Variants in PSEN1 observed in about 807,000 individuals in gnomAD.
PSEN1 encodes presenilin-1.
PSEN1 carries 15 observed loss-of-function variants against 53.5 expected under a neutral mutation model. That is an observed-to-expected ratio of 0.28 (90% CI 0.19 to 0.43). The LOEUF (loss-of-function observed/expected upper bound fraction) is 0.43, where lower values mean the gene tolerates loss of function less well. Ranked by LOEUF, PSEN1 falls within the 20% of genes least tolerant of loss-of-function variation. The pLI is 1.00. For synonymous variants in PSEN1, 208 were observed against 209.8 expected, an observed-to-expected ratio of 0.99 and a Z score of 0.08; for missense variants, 387 against 571.2, an observed-to-expected ratio of 0.68 and a Z score of 3.29.
At chr14:73,175,143 C>T (rs941321979) in intron 5 of PSEN1, among the ~76,000 whole-genome samples, 2 of 151,710 alleles carry the variant, frequency 1.3e-5, no homozygotes, top group Non-Finnish European at 2.9e-5. Context: ...TTTTTTTCCC[C>T]GAGACGAAGT....
chr14:73,144,042 T>TG (rs1897000472), intron 1 of PSEN1, among the ~76,000 whole-genome samples: 1 of 128,652 alleles, frequency 7.8e-6, no homozygotes, highest in African/African-American at 2.8e-5. Context: ...TATCTTTTTT[T>TG]TTTTTTTTTT....
chr14:73,204,529 A>T (rs956887660), intron 8 of PSEN1, among the ~76,000 whole-genome samples: 7 of 90,622 alleles, frequency 7.7e-5, no homozygotes, highest in South Asian at 4.3e-4. Flanking sequence ...TTTTACATTT[A>T]AAAAAAAAAA....
chr14:73,183,934 C>T (rs1228780926), intron 5 of PSEN1, among the ~76,000 whole-genome samples: 2 of 146,452 alleles, frequency 1.4e-5, no homozygotes, highest in Admixed American at 6.7e-5. Context: ...GGGCTGACCC[C>T]CCCACCTCCC....
intron 3 of PSEN1, among the ~76,000 whole-genome samples, chr14:73,155,967 A>G (rs1183668861): frequency 6.6e-6 from 1 of 152,174 alleles, no homozygotes; most frequent in Non-Finnish European, 1.5e-5. Context: ...CAGGATGTTG[A>G]TAGAGGCTGT....
Position 73,211,876 on chromosome 14 carries a change from C to A in PSEN1, c.1063C>A (p.Pro355Thr). The A allele has an allele frequency of 6.2e-7, 1 of 1,613,990 alleles. No homozygotes were observed. Among genetic ancestry groups the A allele is most frequent in the Non-Finnish European group, 8.5e-7 (1 of 1,179,994 alleles). The part of the protein sequence containing the change: ...DSHLGPHRST[P>T]ESRAAVQELS... ...TCATCTAGGGCCTCATCGCTCTACA[C>A]CTGAGTCACGAGCTGCTGTCCAGGA... Residue 355 changes from proline (P) to threonine (T), a missense_variant, in exon 10 of 12, where the codon CCT (proline) becomes ACT (threonine). Transcript: ENST00000324501.
At chr14:73,199,990 G>A (rs939693803) in intron 8 of PSEN1, among the ~76,000 whole-genome samples, 29 of 151,982 alleles carry the variant, frequency 1.9e-4, no homozygotes, top group African/African-American at 5.3e-4. Flanking sequence ...CAGGTGATCC[G>A]CCTGCCTAGG....
At position 73,186,856 on chromosome 14, in the gene PSEN1, A is replaced by G; in HGVS notation, c.484A>G (p.Ile162Val). 6.2e-7 allele frequency: 1 copy of G among 1,610,214 alleles called. No homozygotes were observed. The highest frequency in any genetic ancestry group is 8.5e-7 in the Non-Finnish European group (1 of 1,176,504). ...ATTGAAATGCTTTCTTTTCTAGGTC[A>G]TCCATGCCTGGCTTATTATATCATC... ...VLYKYRCYKV[I>V]HAWLIISSLL... Residue 162 changes from isoleucine to valine, a missense_variant, in exon 6 of 12, where the codon ATC becomes GTC. This residue lies in a region of PSEN1 where 169 missense variants were observed against 299.7 expected (regional missense o/e 0.56). Coordinates refer to ENST00000324501, the MANE Select transcript of PSEN1 (RefSeq NM_000021.4).
chr14:73,173,455 T>G, intron 4 of PSEN1, 111 bp from the exon 5 acceptor site: 1 of 1,115,942 alleles, frequency 9.0e-7, no homozygotes, highest in Non-Finnish European at 1.4e-6. Context: ...AAAAGTGACT[T>G]ATAAGATACG....
At chr14:73,199,343 G>C (rs927061078) in intron 8 of PSEN1, among the ~76,000 whole-genome samples, 5 of 152,196 alleles carry the variant, frequency 3.3e-5, no homozygotes, top group Non-Finnish European at 7.3e-5. Context: ...GTCAACTACT[G>C]TGTTTAGAGA....
chr14:73,138,262 A>G (rs965482723), intron 1 of PSEN1: 1 of 151,180 alleles, frequency 6.6e-6, no homozygotes, highest in African/African-American at 2.4e-5. Flanking sequence ...TCTGTCGCCC[A>G]GGCTGGAGTG....
intron 5 of PSEN1, among the ~76,000 whole-genome samples, chr14:73,184,746 A>C (rs1162093779): frequency 6.6e-5 from 5 of 75,474 alleles, no homozygotes; most frequent in Non-Finnish European, 1.1e-4. Context: ...CGGGGGGCTG[A>C]CCCCCCCCAC....
At chr14:73,215,861 G>A (rs1043243164) in intron 10 of PSEN1, among the ~76,000 whole-genome samples, 2 of 152,144 alleles carry the variant, frequency 1.3e-5, no homozygotes, top group Admixed American at 6.6e-5. Flanking sequence ...AATTCAGACT[G>A]GTACAGCCAG....
At chr14:73,153,382 T>C (rs939632642) in intron 3 of PSEN1, among the ~76,000 whole-genome samples, 2 of 152,234 alleles carry the variant, frequency 1.3e-5, no homozygotes, top group Non-Finnish European at 2.9e-5. Context: ...CAGTATTATC[T>C]CTAACCAGTT....
At chr14:73,217,451 C>T (rs1307007437) in intron 11 of PSEN1, among the ~76,000 whole-genome samples, 1 of 152,202 alleles carries the variant, frequency 6.6e-6, no homozygotes, top group African/African-American at 2.4e-5. Context: ...ACTGTAAGCT[C>T]TGCCCTGAGA....
chr14:73,207,013 G>A (rs1899481519), intron 9 of PSEN1, among the ~76,000 whole-genome samples: 1 of 152,106 alleles, frequency 6.6e-6, no homozygotes, highest in African/African-American at 2.4e-5. Flanking sequence ...TGACTTTTTA[G>A]AAGAGGATAA....
chr14:73,219,227 G>A lies in PSEN1; in HGVS notation c.1342G>A (p.Ala448Thr). The change falls in exon 12 of 12, where the codon GCC becomes ACC. Residue 448 changes from alanine to threonine, a missense_variant. Ala to Thr is a moderately conservative substitution (Grantham distance 58). This residue lies in a region of PSEN1 where 44 missense variants were observed against 106.3 expected (regional missense o/e 0.41). Coordinates refer to ENST00000324501, the MANE Select transcript of PSEN1 (RefSeq NM_000021.4). ...CACCTTTGGGCTTGTTTTCTACTTT[G>A]CCACAGATTATCTTGTACAGCCTTT... ...SITFGLVFYF[A>T]TDYLVQPFMD... is the part of the protein sequence containing the mutation. The A allele has an allele frequency of 6.2e-7, 1 of 1,613,724 alleles. No homozygotes were observed. The highest frequency in any genetic ancestry group is 1.1e-5 in the South Asian group (1 of 91,064).
intron 3 of PSEN1, among the ~76,000 whole-genome samples, chr14:73,151,935 G>A (rs1360451981): frequency 1.1e-4 from 10 of 94,810 alleles, no homozygotes; most frequent in Middle Eastern, 0.014. Context: ...TTTTTGAGAC[G>A]GAGTCTCGCT....
chr14:73,201,901 C>A (rs1173380894), intron 8 of PSEN1, among the ~76,000 whole-genome samples: 6 of 151,958 alleles, frequency 3.9e-5, no homozygotes, highest in Admixed American at 6.6e-5. Flanking sequence ...CACCCACCAC[C>A]ACATCCGGCT....
chr14:73,175,180 G>A (rs1033716491), intron 5 of PSEN1, among the ~76,000 whole-genome samples: 1 of 152,120 alleles, frequency 6.6e-6, no homozygotes, highest in Admixed American at 6.5e-5. Flanking sequence ...AGGCTGGAGT[G>A]TGACAGCGCG....
Sources: allele counts gnomAD v4.1 joint callset (sites outside exome capture counted in the v4.1 genomes callset), GRCh38; gene constraint gnomAD v4.1.1; regional missense constraint gnomAD v4.1.1; transcripts MANE v1.5; gene names NCBI Gene and HGNC (gene_info 2026-07-23, HGNC 2026-07-21).